Variants in LRRK1 observed in about 807,000 individuals in gnomAD.
LRRK1 encodes the protein leucine-rich repeat serine/threonine-protein kinase 1.
LRRK1 carries 113 observed loss-of-function variants against 209.1 expected under a neutral mutation model. The ratio of observed to expected loss-of-function variants is 0.54; its 90% CI spans 0.46 to 0.63. The LOEUF is 0.63. Among genes scored for constraint, LRRK1 ranks in the 30% least tolerant of loss-of-function variants. The pLI, the probability that LRRK1 is intolerant of heterozygous loss-of-function variation, is 0.00. For synonymous variants in LRRK1, 1,144 were observed against 1,099.7 expected (o/e 1.04, Z -0.80); for missense variants, 2,284 against 2,632.2 (o/e 0.87, Z 2.89).
chr15:100,986,643 G>A (rs1224093165), intron 4 of LRRK1, among the ~76,000 whole-genome samples: 1 of 152,218 alleles, frequency 6.6e-6, no homozygotes, highest in Non-Finnish European at 1.5e-5. Flanking sequence ...ATTCAGTGCA[G>A]GCACAATGCC....
chr15:101,006,923 T>A (rs984068521), intron 6 of LRRK1, among the ~76,000 whole-genome samples: 1 of 152,210 alleles, frequency 6.6e-6, no homozygotes, highest in South Asian at 2.1e-4. Context: ...GGCAATTGAG[T>A]GACTTGTCTT....
chr15:100,936,764 C>A (rs1218421773), intron 2 of LRRK1, among the ~76,000 whole-genome samples: 1 of 152,210 alleles, frequency 6.6e-6, no homozygotes, highest in Non-Finnish European at 1.5e-5. Context: ...TGGGTGCTAT[C>A]ACTTCAGCTG....
chr15:100,961,995 G>A (rs1219280082), intron 2 of LRRK1, among the ~76,000 whole-genome samples: 1 of 152,130 alleles, frequency 6.6e-6, no homozygotes, highest in Non-Finnish European at 1.5e-5. Context: ...TTTGTTCCAT[G>A]AGACTTCCTT....
intron 6 of LRRK1, among the ~76,000 whole-genome samples, chr15:101,001,099 C>A (rs2032662225): frequency 6.6e-6 from 1 of 152,202 alleles, no homozygotes; most frequent in East Asian, 1.9e-4. Context: ...CTCCTGGGAG[C>A]AGAGATGAGG....
intron 4 of LRRK1, among the ~76,000 whole-genome samples, chr15:100,987,089 A>T (rs1297839209): frequency 6.6e-6 from 1 of 152,164 alleles, no homozygotes; most frequent in Non-Finnish European, 1.5e-5. Flanking sequence ...ATTTTCTGTT[A>T]ACATACCTAC....
At chr15:100,929,523 A>G (rs1382844119) in intron 2 of LRRK1, among the ~76,000 whole-genome samples, 1 of 152,252 alleles carries the variant, frequency 6.6e-6, no homozygotes, top group Admixed American at 6.5e-5. Flanking sequence ...GGTTTGCTCA[A>G]GTAGGGTCTC....
At position 100,978,935 on chromosome 15, in the gene LRRK1, T is replaced by TA. The variant is rs375038386; in HGVS notation, c.262-4586dup. On this transcript the variant is annotated intron_variant, in intron 3 of 33. Transcript: ENST00000388948. ...CTGACACCAAAACCAAAGACAGTGT[T>TA]AAAAAAAGAAAAGTACGGACCAATG... Among the ~76,000 whole-genome samples the TA allele has an allele frequency of 7.8e-3, 1,185 of 152,074 alleles. 16 individuals are homozygous for TA. Among genetic ancestry groups the TA allele is most frequent in the African/African-American group, 0.027 (1,138 of 41,476 alleles).
In LRRK1 at chr15:101,065,453, C is replaced by T. The variant is rs555149433; in HGVS notation, c.5016C>T (p.His1672=). The change falls in exon 32 of 34, where the codon CAC becomes CAT. Residue 1672 remains histidine, a synonymous_variant. Transcript: ENST00000388948. ...PKDSCSYLCS[H]TANRSKFSIA... Reference sequence around the variant, plus strand: ...ACAGCTGCTCCTACCTGTGCTCACACACAGCCAACAGGTCCAAGTTCAGCA... The same window carrying T: ...ACAGCTGCTCCTACCTGTGCTCACATACAGCCAACAGGTCCAAGTTCAGCA... 1 of 1,614,112 alleles carries T rather than the reference C, an allele frequency of 6.2e-7. No individual in the cohort carries two copies. Among genetic ancestry groups the T allele is most frequent in the African/African-American group, 1.3e-5 (1 of 74,950 alleles).
Position 101,025,997 on chromosome 15 carries a change from C to T in LRRK1, c.2265C>T (p.Val755=), listed in dbSNP as rs147972383. 150 of 1,614,150 alleles carry T rather than the reference C, an allele frequency of 9.3e-5. 1 individual carries two copies. In the African/African-American group the frequency reaches 1.7e-3, roughly 18 times the overall value. ...AKAPNAVVLV[V]GTHLDLIEAK... ...CCCCAAACGCCGTGGTGCTGGTGGT[C>T]GGGACGCACCTGGATTTAATTGAAG... The change falls in exon 17 of 34, where the codon GTC becomes GTT. Residue 755 remains valine (V), a synonymous_variant. Coordinates refer to ENST00000388948, the MANE Select transcript of LRRK1 (RefSeq NM_024652.6).
chr15:100,941,126 G>C (rs941463378), intron 2 of LRRK1, among the ~76,000 whole-genome samples: 1 of 152,092 alleles, frequency 6.6e-6, no homozygotes, highest in Non-Finnish European at 1.5e-5. Context: ...GTGTGTCTGT[G>C]TGTGTCTCTT....
At position 101,008,818 on chromosome 15, in the gene LRRK1, CCTTT is replaced by C. The variant is rs1468039725; in HGVS notation, c.763-13_763-10del. On this transcript the variant is annotated splice_polypyrimidine_tract_variant and intron_variant, in intron 6 of 33. Transcript: ENST00000388948. ...GAACTCACCCTCCACATGTGCTTTT[CCTTT>C]CTTTCCACCACCAGGCTCTCCGTGT... 1.9e-6 allele frequency: 3 copies of C among 1,591,668 alleles called. No homozygotes were observed. The highest frequency in any genetic ancestry group is 1.7e-5 in the Admixed American group (1 of 59,990).
At chr15:101,055,296 G>T in intron 27 of LRRK1, 73 bp downstream of exon 27, 1 of 1,402,850 alleles carries the variant, frequency 7.1e-7, no homozygotes, top group Non-Finnish European at 9.4e-7. Flanking sequence ...GGCAGTCCTG[G>T]AGGCACCTGA....
chr15:100,925,357 C>T (rs2070469918), intron 2 of LRRK1, among the ~76,000 whole-genome samples: 1 of 152,134 alleles, frequency 6.6e-6, no homozygotes, highest in African/African-American at 2.4e-5. Flanking sequence ...AAAAATGATT[C>T]ATAAATTGGG....
At position 101,049,672 on chromosome 15, in the gene LRRK1, A is replaced by G; in HGVS notation, c.3328A>G (p.Lys1110Glu). 2 of 1,614,066 alleles carry G rather than the reference A, an allele frequency of 1.2e-6. No individual in the cohort carries two copies. Among genetic ancestry groups the G allele is most frequent in the Non-Finnish European group, 1.7e-6 (2 of 1,179,964 alleles). ...SVESSDVNWK[K>E]KKSGGMKIVC... ...GGAATCTTCCGACGTGAACTGGAAA[A>G]AGAAGAAAAGCGGAGGAATGAAAAT... The change falls in exon 23 of 34, where the codon AAG (lysine) becomes GAG (glutamate). Residue 1110 changes from lysine to glutamate, a missense_variant. Transcript: ENST00000388948.
intron 6 of LRRK1, among the ~76,000 whole-genome samples, chr15:101,002,076 C>T (rs2032721500): frequency 6.6e-6 from 1 of 152,194 alleles, no homozygotes; most frequent in Admixed American, 6.5e-5. Context: ...AGGCTAAAAG[C>T]TTTGTAGATG....
At position 101,049,799 on chromosome 15, in the gene LRRK1, A is replaced by G. The variant is rs1186009684; in HGVS notation, c.3439+16A>G. The G allele has an allele frequency of 6.2e-7, 1 of 1,609,322 alleles. No homozygotes were observed. The highest frequency in any genetic ancestry group is 2.2e-5 in the East Asian group (1 of 44,714). On this transcript the variant is annotated intron_variant, in intron 23 of 33. Transcript: ENST00000388948. Reference sequence around the variant, plus strand: ...TGGTTTCCCGGTAAGAGGAGATGCTAGAAGCAAGCCCTCATTCATGCTAAT... The same window carrying G: ...TGGTTTCCCGGTAAGAGGAGATGCTGGAAGCAAGCCCTCATTCATGCTAAT...
intron 10 of LRRK1, 93 bp from the exon 11 acceptor site, chr15:101,014,223 C>T (rs550637514): frequency 2.2e-5 from 19 of 854,426 alleles, no homozygotes; most frequent in East Asian, 9.9e-5. Flanking sequence ...CGTTTGACTG[C>T]GCGTGGTTGG....
intron 2 of LRRK1, among the ~76,000 whole-genome samples, chr15:100,951,019 C>T (rs1407089819): frequency 6.6e-5 from 10 of 152,298 alleles, no homozygotes; most frequent in South Asian, 4.1e-4. Context: ...AGGAGAATGG[C>T]GTGAACCCGG....
chr15:101,066,881 G>A, intron 33 of LRRK1, 140 bp downstream of exon 33: 2 of 791,558 alleles, frequency 2.5e-6, no homozygotes, highest in Non-Finnish European at 4.1e-6. Flanking sequence ...GTAAGGCAAA[G>A]TGGAAACAAG....
Sources: gnomAD v4.1 joint callset for allele counts (sites outside exome capture counted in the v4.1 genomes callset) on GRCh38, gnomAD v4.1.1 for gene constraint, MANE v1.5 for transcripts, NCBI Gene and HGNC (gene_info 2026-07-23, HGNC 2026-07-21) for gene names.